PLA1A: variants seen among roughly 807,000 people sequenced by gnomAD.
The protein encoded by PLA1A is phospholipase A1 member A, also known as phosphatidylserine-specific phospholipase A1alpha.
PLA1A carries 47 observed loss-of-function variants against 49.4 expected under a neutral mutation model. The observed-to-expected ratio is 0.95, with a 90% CI of 0.75 to 1.21. The LOEUF (loss-of-function observed/expected upper bound fraction) is 1.21. Among genes scored for constraint, PLA1A ranks in the 50% most tolerant of loss-of-function variants. The pLI is 0.00. For synonymous variants in PLA1A, 224 were observed against 207.9 expected, an observed-to-expected ratio of 1.08 and a Z score of -0.67; for missense variants, 561 against 563.9, an observed-to-expected ratio of 0.99 and a Z score of 0.05.
chr3:119,620,384 T>A (rs1440763606), intron 8 of PLA1A, among the ~76,000 whole-genome samples: 1 of 152,166 alleles, frequency 6.6e-6, no homozygotes, highest in Non-Finnish European at 1.5e-5. Flanking sequence ...TTGTGTCAAG[T>A]CAGTGCAGGG....
chr3:119,608,633 C>G, intron 2 of PLA1A, 137 bp from the exon 3 acceptor site: 1 of 694,672 alleles, frequency 1.4e-6, no homozygotes, highest in Non-Finnish European at 2.5e-6. Context: ...GCTCCAAGTA[C>G]TGTGTAATAA....
At chr3:119,615,759 G>A (rs1276377486) in intron 5 of PLA1A, among the ~76,000 whole-genome samples, 1 of 151,830 alleles carries the variant, frequency 6.6e-6, no homozygotes, top group Non-Finnish European at 1.5e-5. Flanking sequence ...TGCAGTGAGA[G>A]AAGATGGCGC....
intron 8 of PLA1A, among the ~76,000 whole-genome samples, chr3:119,620,963 A>G (rs530093817): frequency 5.3e-4 from 80 of 152,226 alleles, no homozygotes; most frequent in Non-Finnish European, 1.0e-3. Flanking sequence ...CTTCCTCACC[A>G]CCACCATGCT....
intron 4 of PLA1A, among the ~76,000 whole-genome samples, chr3:119,611,489 T>C (rs1324791859): frequency 6.6e-6 from 1 of 152,230 alleles, no homozygotes; most frequent in African/African-American, 2.4e-5. Context: ...GCAAAAAGCA[T>C]AGAATACCTT....
At chr3:119,612,656 T>A (rs1409917988) in intron 4 of PLA1A, among the ~76,000 whole-genome samples, 1 of 152,100 alleles carries the variant, frequency 6.6e-6, no homozygotes, top group East Asian at 1.9e-4. Flanking sequence ...GCCCAGCTGA[T>A]TTTTTGTGTT....
chr3:119,610,913 C>G, intron 4 of PLA1A, among the ~76,000 whole-genome samples: 1 of 151,994 alleles, frequency 6.6e-6, no homozygotes, highest in East Asian at 1.9e-4. Context: ...GAGTATTTCC[C>G]AGATTTTCTT....
chr3:119,602,744 A>G (rs1008632741), intron 1 of PLA1A, among the ~76,000 whole-genome samples: 3 of 152,166 alleles, frequency 2.0e-5, no homozygotes, highest in Non-Finnish European at 2.9e-5. Flanking sequence ...GGCAAATTCC[A>G]TAGTAGATTA....
chr3:119,628,370 T>C (rs192741647), intron 9 of PLA1A, among the ~76,000 whole-genome samples: 313 of 152,360 alleles, frequency 2.1e-3, no homozygotes, highest in African/African-American at 7.1e-3. Context: ...TACTTCTGGG[T>C]AATTAGATCT....
chr3:119,602,300 A>G (rs2082627377), intron 1 of PLA1A, among the ~76,000 whole-genome samples: 1 of 152,202 alleles, frequency 6.6e-6, no homozygotes, highest in Non-Finnish European at 1.5e-5. Flanking sequence ...ATAGTTTTGA[A>G]ACTAGTGTTT....
At chr3:119,599,353 GC>G (rs1161566340) in intron 1 of PLA1A, among the ~76,000 whole-genome samples, 2 of 152,150 alleles carry the variant, frequency 1.3e-5, no homozygotes, top group Non-Finnish European at 2.9e-5. Context: ...GCTGTCATGA[GC>G]CACCTTGGAG....
At chr3:119,627,118 G>A (rs1413021412) in intron 9 of PLA1A, among the ~76,000 whole-genome samples, 2 of 152,148 alleles carry the variant, frequency 1.3e-5, no homozygotes, top group African/African-American at 4.8e-5. Flanking sequence ...AAAGCTCCCC[G>A]AGTAATTCCA....
intron 8 of PLA1A, among the ~76,000 whole-genome samples, chr3:119,624,461 C>A (rs1364848928): frequency 1.3e-5 from 2 of 152,162 alleles, no homozygotes; most frequent in Non-Finnish European, 2.9e-5. Context: ...ATGATAGATG[C>A]ATTTTGGCTC....
Position 119,599,826 on chromosome 3 carries a change from G to A in PLA1A, c.73+1840G>A, listed in dbSNP as rs544565900. Among the ~76,000 whole-genome samples the A allele has an allele frequency of 1.6e-4, 25 of 152,198 alleles. No homozygotes were observed. The South Asian group carries it at 4.1e-3, about 25-fold the overall frequency. ...GTGAGGCATTCTCTATTTCCCATCC[G>A]CTTCTCTTCCTTTCCCACCTTAACT... On this transcript the variant is annotated intron_variant, in intron 1 of 10. Coordinates refer to ENST00000273371, the MANE Select transcript of PLA1A (RefSeq NM_015900.4).
At chr3:119,627,171 T>A (rs1339826780) in intron 9 of PLA1A, among the ~76,000 whole-genome samples, 5 of 152,192 alleles carry the variant, frequency 3.3e-5, no homozygotes, top group African/African-American at 4.8e-5. Flanking sequence ...ATGAAGAGGT[T>A]CACATAACTC....
At chr3:119,629,358 G>T in intron 10 of PLA1A, 26 bp from the exon 11 acceptor site, 1 of 1,394,138 alleles carries the variant, frequency 7.2e-7, no homozygotes, top group Non-Finnish European at 1.0e-6. Flanking sequence ...ACCAGCCACT[G>T]CTCTCTTATT....
chr3:119,617,809 G>A (rs1053094633), intron 6 of PLA1A, among the ~76,000 whole-genome samples: 9 of 152,052 alleles, frequency 5.9e-5, no homozygotes, highest in Non-Finnish European at 1.0e-4. Context: ...TTTTCTTGAT[G>A]GATTATGCTT....
intron 1 of PLA1A, among the ~76,000 whole-genome samples, chr3:119,602,333 T>C (rs2082627952): frequency 6.6e-6 from 1 of 152,224 alleles, no homozygotes; most frequent in South Asian, 2.1e-4. Flanking sequence ...GCTATAGTTT[T>C]ACATTTGATT....
Position 119,618,171 on chromosome 3 carries a change from T to G in PLA1A, c.907T>G (p.Ser303Ala). The G allele has an allele frequency of 6.2e-7, 1 of 1,613,354 alleles. No individual in the cohort carries two copies. The highest frequency in any genetic ancestry group is 8.5e-7 in the Non-Finnish European group (1 of 1,179,594). ...CLDCFNPFLL[S>A]CPRIGLVEQG... Reference sequence around the variant, plus strand: ...GGATTGCTTTAACCCTTTTCTGCTTTCCTGCCCAAGGATAGGTAAAGTGCT... The same window carrying G: ...GGATTGCTTTAACCCTTTTCTGCTTGCCTGCCCAAGGATAGGTAAAGTGCT... The change falls in exon 7 of 11, where the codon TCC (serine) becomes GCC (alanine). Residue 303 changes from serine (S) to alanine (A), a missense_variant. Ser to Ala is a moderately conservative substitution (Grantham distance 99). Coordinates refer to ENST00000273371, the MANE Select transcript of PLA1A (RefSeq NM_015900.4).
intron 5 of PLA1A, among the ~76,000 whole-genome samples, 166 bp from the exon 6 acceptor site, chr3:119,615,846 G>T (rs992010536): frequency 1.8e-4 from 27 of 151,412 alleles, no homozygotes; most frequent in Non-Finnish European, 3.4e-4. Flanking sequence ...AAAAAGAAAA[G>T]AAAAGAAAAG....
Sources: gnomAD v4.1 joint callset for allele counts (sites outside exome capture counted in the v4.1 genomes callset) on GRCh38, gnomAD v4.1.1 for gene constraint, MANE v1.5 for transcripts, NCBI Gene and HGNC (gene_info 2026-07-23, HGNC 2026-07-21) for gene names.